The following SIAE variants were observed in gnomAD, a reference collection of about 807,000 sequenced individuals.
The protein encoded by SIAE is sialate O-acetylesterase.
A neutral mutation model predicts 52.6 loss-of-function variants in SIAE; 39 were observed. The ratio of observed to expected loss-of-function variants is 0.74; its 90% CI spans 0.57 to 0.97. The LOEUF (loss-of-function observed/expected upper bound fraction) is 0.97, where lower values mean the gene tolerates loss of function less well. Ranked by LOEUF, SIAE falls within the 50% of genes least tolerant of loss-of-function variation. The pLI is 0.00. For synonymous variants in SIAE, 233 were observed against 241.4 expected, an observed-to-expected ratio of 0.97 and a Z score of 0.32; for missense variants, 592 against 662.1, an observed-to-expected ratio of 0.89 and a Z score of 1.16.
upstream of SIAE, chr11:124,675,355 C>A (rs745950141): frequency 5.0e-6 from 8 of 1,614,184 alleles, no homozygotes; most frequent in Non-Finnish European, 3.4e-6. Context: ...TCTGAGAGAG[C>A]AACCGGACAA....
At chr11:124,647,639 C>T in intron 6 of SIAE, 141 bp from the exon 7 acceptor site, 1 of 1,029,186 alleles carries the variant, frequency 9.7e-7, no homozygotes. Context: ...GCCAGTGGGG[C>T]ATCAGCAAAT....
chr11:124,652,531 C>T (rs1050612099), intron 4 of SIAE, among the ~76,000 whole-genome samples: 2 of 151,832 alleles, frequency 1.3e-5, no homozygotes, highest in African/African-American at 4.8e-5. Context: ...CCCGTCTCTA[C>T]TAAAATACAA....
At chr11:124,669,247 G>A in intron 2 of SIAE, 113 bp downstream of exon 2, 1 of 1,341,738 alleles carries the variant, frequency 7.5e-7, no homozygotes, top group Non-Finnish European at 1.1e-6. Context: ...TGAATGGACA[G>A]ACGGATGTAG....
intron 7 of SIAE, among the ~76,000 whole-genome samples, chr11:124,640,176 C>T (rs1942822520): frequency 6.6e-6 from 1 of 151,944 alleles, no homozygotes; most frequent in South Asian, 2.1e-4. Context: ...TTGTACAGCT[C>T]CTGAGTCTTG....
Position 124,639,881 on chromosome 11 carries a change from A to G in SIAE, c.967-14T>C, listed in dbSNP as rs1437830254. On this transcript the variant is annotated splice_polypyrimidine_tract_variant and intron_variant, in intron 7 of 9. Transcript: ENST00000263593. Reference sequence around the variant, plus strand: ...ATCTGAAGATAACTAGAAAGCAGAGACATTGCTAATTTTATTGTATCAGAA... The same window carrying G: ...ATCTGAAGATAACTAGAAAGCAGAGGCATTGCTAATTTTATTGTATCAGAA... 1 of 1,613,606 alleles carries G rather than the reference A, an allele frequency of 6.2e-7. No homozygotes were observed. The highest frequency in any genetic ancestry group is 1.3e-5 in the African/African-American group (1 of 74,942).
Position 124,669,472 on chromosome 11 carries a change from C to G in SIAE, c.117G>C (p.Gln39His), listed in dbSNP as rs761398148. ...ASYINNDMVLQKEPAGAVIWG... is the reference protein window; with the variant it reads ...ASYINNDMVLHKEPAGAVIWG... Reference sequence around the variant, plus strand: ...ATATCACTGCCCCAGCAGGCTCCTTCTGCAGCACCATATCATTATTGATGT... The same window carrying G: ...ATATCACTGCCCCAGCAGGCTCCTTGTGCAGCACCATATCATTATTGATGT... The change falls in exon 2 of 10, where the codon CAG (glutamine) becomes CAC (histidine). Residue 39 changes from glutamine to histidine, a missense_variant. Transcript: ENST00000263593. The G allele has an allele frequency of 1.9e-6, 3 of 1,614,168 alleles. No homozygotes were observed. The highest frequency in any genetic ancestry group is 2.5e-6 in the Non-Finnish European group (3 of 1,180,020).
At chr11:124,671,474 A>G (rs1174305652) in intron 1 of SIAE, among the ~76,000 whole-genome samples, 1 of 152,190 alleles carries the variant, frequency 6.6e-6, no homozygotes, top group Non-Finnish European at 1.5e-5. Context: ...ACAAACATTA[A>G]TGTTCTTTGG....
rs1295339877 is a variant in SIAE at position 124,636,877 on chromosome 11, T to TATTA, written c.*70_*73dup. ...ATTAATTTCCTTTAAAAGCAATGGT[T>TATTA]ATTATTGAAACTCCTAAATGCTAAA... On this transcript the variant is annotated 3_prime_UTR_variant, in exon 10 of 10. Coordinates refer to ENST00000263593, the MANE Select transcript of SIAE (RefSeq NM_170601.5). The TATTA allele has an allele frequency of 1.3e-6, 2 of 1,598,324 alleles. No homozygotes were observed. The highest frequency in any genetic ancestry group is 1.3e-5 in the African/African-American group (1 of 74,580).
At chr11:124,673,808 C>T (rs895524778), upstream of SIAE, 15 of 1,373,080 alleles carry the variant, frequency 1.1e-5, no homozygotes, top group Admixed American at 7.8e-5. Flanking sequence ...TTTTGCAGTC[C>T]TCGCAGCCTC....
At chr11:124,663,382 C>T (rs1943219600) in intron 2 of SIAE, among the ~76,000 whole-genome samples, 1 of 152,120 alleles carries the variant, frequency 6.6e-6, no homozygotes, top group South Asian at 2.1e-4. Flanking sequence ...CGAGACCATC[C>T]TGGCTGACAA....
intron 4 of SIAE, 141 bp downstream of exon 4, chr11:124,654,514 A>G: frequency 6.3e-7 from 1 of 1,579,716 alleles, no homozygotes; most frequent in East Asian, 2.3e-5. Context: ...CACCATCAGG[A>G]AGGATGAAGA....
chr11:124,638,662 C>A lies in SIAE; in HGVS notation c.1200G>T (p.Lys400Asn), dbSNP rs766047951. Residue 400 changes from lysine (K) to asparagine (N), a missense_variant, in exon 9 of 10, where the codon AAG becomes AAT. Coordinates refer to ENST00000263593, the MANE Select transcript of SIAE (RefSeq NM_170601.5). ...LGARALAYGE[K>N]NLTFEGPLPE... ...GCAGTGGTCCTTCAAAGGTCAAATT[C>A]TTCTCACCATAAGCCAGAGCACGGG... is the stretch of plus-strand genomic sequence containing the variant. 2.2e-5 allele frequency: 36 copies of A among 1,614,014 alleles called. No homozygotes were observed. Among genetic ancestry groups the A allele is most frequent in the Non-Finnish European group, 4.2e-6 (5 of 1,180,038 alleles).
rs75238783 is a variant in SIAE at position 124,643,047 on chromosome 11, G to A, written c.967-3180C>T. ...CAGAAGATCCAGCTAAGCCATGCACGCCCAGACTTCTCACCCATAGAAACT... is the reference window on the plus strand; with the variant it reads ...CAGAAGATCCAGCTAAGCCATGCACACCCAGACTTCTCACCCATAGAAACT... On this transcript the variant is annotated intron_variant, in intron 7 of 9. Coordinates refer to ENST00000263593, the MANE Select transcript of SIAE (RefSeq NM_170601.5). Among the ~76,000 whole-genome samples, 3 of 152,280 alleles carry A rather than the reference G, an allele frequency of 2.0e-5. No homozygotes were observed. In the East Asian group the frequency reaches 5.8e-4, roughly 29 times the overall value.
chr11:124,667,470 C>A (rs1202174780), intron 2 of SIAE, among the ~76,000 whole-genome samples: 1 of 152,160 alleles, frequency 6.6e-6, no homozygotes, highest in South Asian at 2.1e-4. Context: ...TAAATGTTTG[C>A]TGAATGGAAA....
Position 124,636,744 on chromosome 11 carries a change from A to C in SIAE, c.*207T>G. On this transcript the variant is annotated 3_prime_UTR_variant, in exon 10 of 10. Coordinates refer to ENST00000263593, the MANE Select transcript of SIAE (RefSeq NM_170601.5). ...GAATTAGTCCAATACAGACCCTTAG[A>C]CCAACTAGGGAACAAAAAGCAAGCA... 2 of 675,072 alleles carry C rather than the reference A, an allele frequency of 3.0e-6. No homozygotes were observed. The highest frequency in any genetic ancestry group is 1.9e-5 in the South Asian group (1 of 53,512). 41.8% of individuals were successfully genotyped at this position (675,072 alleles called of 1,614,324 possible).
chr11:124,649,859 T>C, intron 4 of SIAE, 63 bp from the exon 5 acceptor site: 1 of 1,568,940 alleles, frequency 6.4e-7, no homozygotes, highest in Non-Finnish European at 8.8e-7. Flanking sequence ...AAACTGCAGC[T>C]GCTAGGTGGG....
chr11:124,654,400 C>T (rs1159701160), intron 4 of SIAE: 1 of 985,226 alleles, frequency 1.0e-6, no homozygotes. Flanking sequence ...GGAGCCCATG[C>T]CGAAGGGCCT....
Sources: allele counts gnomAD v4.1 joint callset (sites outside exome capture counted in the v4.1 genomes callset), GRCh38; gene constraint gnomAD v4.1.1; transcripts MANE v1.5; gene names NCBI Gene and HGNC (gene_info 2026-07-23, HGNC 2026-07-21).